GPT2: variants seen among roughly 807,000 people sequenced by gnomAD.
GPT2 encodes glutamic--pyruvic transaminase 2.
A neutral mutation model predicts 56.9 loss-of-function variants in GPT2; 30 were observed. That is an observed-to-expected ratio of 0.53 (90% CI 0.39 to 0.72). The LOEUF is 0.72. Among genes scored for constraint, GPT2 ranks in the 30% least tolerant of loss-of-function variants. GPT2 has a pLI of 0.00. For missense variants in GPT2, 542 were observed against 703.4 expected (o/e 0.77, Z 2.60); for synonymous variants, 271 against 283.1 (o/e 0.96, Z 0.43).
At chr16:46,898,996 CACATATATATATATATATATATATATAT>C (rs1960755966) in intron 3 of GPT2, among the ~76,000 whole-genome samples, 1 of 107,900 alleles carries the variant, frequency 9.3e-6, no homozygotes. Flanking sequence ...ATATATAACA[CACATATATATATATATATATATATATAT>C]ATATATATAT....
At position 46,917,737 on chromosome 16, in the gene GPT2, TACAGACACAC is replaced by T. The variant is rs565055388; in HGVS notation, c.901-873_901-864del. Among the ~76,000 whole-genome samples, 62 of 151,952 alleles carry T rather than the reference TACAGACACAC, an allele frequency of 4.1e-4. No individual in the cohort carries two copies. The South Asian group carries it at 9.1e-3, about 22-fold the overall frequency. Reference sequence around the variant, plus strand: ...ACATACACACATATACATATGTACATACAGACACACACAGACACACGTACATAGACACACA... The same window carrying T: ...ACATACACACATATACATATGTACATACAGACACACGTACATAGACACACA... On this transcript the variant is annotated intron_variant, in intron 7 of 11. Transcript: ENST00000340124.
At chr16:46,914,303 G>A (rs1040494557) in intron 6 of GPT2, among the ~76,000 whole-genome samples, 4 of 152,170 alleles carry the variant, frequency 2.6e-5, no homozygotes, top group Admixed American at 2.6e-4. Context: ...TTGGGAGGCC[G>A]AGGCGGGTGG....
At chr16:46,894,208 G>A (rs1045865697) in intron 2 of GPT2, among the ~76,000 whole-genome samples, 7 of 152,354 alleles carry the variant, frequency 4.6e-5, no homozygotes, top group South Asian at 4.1e-4. Flanking sequence ...GAGCAGTGCG[G>A]GGGGAGGGCA....
At chr16:46,900,540 GC>G (rs1292878043) in intron 3 of GPT2, 141 bp from the exon 4 acceptor site, 2 of 603,772 alleles carry the variant, frequency 3.3e-6, no homozygotes, top group Non-Finnish European at 5.9e-6. Context: ...CCACTCCCAA[GC>G]TCCCACAGGC....
At chr16:46,909,961 G>A in intron 6 of GPT2, 34 bp downstream of exon 6, 3 of 1,554,296 alleles carry the variant, frequency 1.9e-6, no homozygotes, top group Non-Finnish European at 2.6e-6. Context: ...GTTTCGTAGA[G>A]GGTGGGGGTG....
intron 5 of GPT2, among the ~76,000 whole-genome samples, chr16:46,908,833 T>G (rs1228978580): frequency 1.3e-5 from 2 of 152,246 alleles, no homozygotes; most frequent in Admixed American, 6.5e-5. Flanking sequence ...CAAGTCATTG[T>G]ACTTTAAAAT....
At chr16:46,924,013 G>A (rs1961348476) in intron 9 of GPT2, 1 of 357,432 alleles carries the variant, frequency 2.8e-6, no homozygotes, top group African/African-American at 2.1e-5. Context: ...TGGTGTCTGT[G>A]TGCCCCACAC....
rs1360330757 is a variant in GPT2 at position 46,898,911 on chromosome 16, TACACAC to T, written c.333+1178_333+1183del. 8.9e-5 allele frequency among the ~76,000 whole-genome samples: 13 copies of T among 146,180 alleles called. No individual in the cohort carries two copies. The East Asian group carries it at 1.2e-3, about 13-fold the overall frequency. On this transcript the variant is annotated intron_variant, in intron 3 of 11. Transcript: ENST00000340124. Reference sequence around the variant, plus strand: ...ATACGTATATATATACACATATATATACACACACATATATATGTGTATATATATACA... The same window carrying T: ...ATACGTATATATATACACATATATATACATATATATGTGTATATATATACA...
chr16:46,909,567 GA>G, intron 5 of GPT2, 116 bp from the exon 6 acceptor site: 1 of 1,181,228 alleles, frequency 8.5e-7, no homozygotes. Flanking sequence ...GAGACTCGGG[GA>G]AGTAAAGCGA....
At chr16:46,919,472 G>A (rs1242311647) in intron 8 of GPT2, among the ~76,000 whole-genome samples, 1 of 152,218 alleles carries the variant, frequency 6.6e-6, no homozygotes, top group Non-Finnish European at 1.5e-5. Flanking sequence ...ATATCTGGGG[G>A]AAGAGCATTG....
At chr16:46,922,537 G>C in intron 9 of GPT2, 121 bp downstream of exon 9, 1 of 894,272 alleles carries the variant, frequency 1.1e-6, no homozygotes, top group Non-Finnish European at 1.7e-6. Flanking sequence ...TGGCCTGCAG[G>C]TGCACTCATG....
At chr16:46,921,932 A>G (rs1961294850) in intron 8 of GPT2, among the ~76,000 whole-genome samples, 1 of 152,162 alleles carries the variant, frequency 6.6e-6, no homozygotes, top group African/African-American at 2.4e-5. Context: ...TGTGGCACAC[A>G]CCTACAGTCC....
intron 5 of GPT2, 27 bp from the exon 6 acceptor site, chr16:46,909,657 T>C: frequency 1.2e-6 from 2 of 1,604,494 alleles, no homozygotes; most frequent in Non-Finnish European, 1.7e-6. Context: ...TAGTGCTGGC[T>C]TTCTAGATGT....
In GPT2 at chr16:46,924,448, T is replaced by G. The variant is rs1435831740; in HGVS notation, c.1272T>G (p.Phe424Leu). The change falls in exon 10 of 12, where the codon TTT becomes TTG. Residue 424 changes from phenylalanine to leucine, a missense_variant. Coordinates refer to ENST00000340124, the MANE Select transcript of GPT2 (RefSeq NM_133443.4). ...AAGCAAAGCTGACGGAAGACCTGTT[T>G]AACCAAGTCCCAGGAATTCACTGCA... ...AKKAKLTEDL[F>L]NQVPGIHCNP... is the part of the protein sequence containing the mutation. 1 of 1,614,126 alleles carries G rather than the reference T, an allele frequency of 6.2e-7. No individual in the cohort carries two copies. Among genetic ancestry groups the G allele is most frequent in the Non-Finnish European group, 8.5e-7 (1 of 1,180,056 alleles).
intron 11 of GPT2, among the ~76,000 whole-genome samples, chr16:46,928,178 A>C (rs1961455123): frequency 6.6e-6 from 1 of 151,846 alleles, no homozygotes; most frequent in South Asian, 2.1e-4. Context: ...TTGTTTAAAA[A>C]CTAGCCAGGG....
Position 46,906,994 on chromosome 16 carries a change from C to G in GPT2, c.576+19C>G, listed in dbSNP as rs534876216. The G allele has an allele frequency of 2.5e-6, 4 of 1,614,016 alleles. No homozygotes were observed. The African/African-American group carries it at 5.3e-5, about 22-fold the overall frequency. On this transcript the variant is annotated intron_variant, in intron 5 of 11. Transcript: ENST00000340124. ...CATTTCTGTACGTGTGAGGGTGGCT[C>G]GTTGTTATCCGGTGTTTACCCACAT...
chr16:46,887,938 G>A (rs1297302036), intron 2 of GPT2, among the ~76,000 whole-genome samples: 1 of 152,228 alleles, frequency 6.6e-6, no homozygotes, highest in Non-Finnish European at 1.5e-5. Context: ...CTCCCTGACA[G>A]CAGCTCCAAA....
Position 46,884,753 on chromosome 16 carries a change from G to A in GPT2, c.38G>A (p.Gly13Asp), listed in dbSNP as rs765020631. ...RAAALVRRGC[G>D]PRTPSSWGRS... ...GCGGCGCTGGTCCGGCGGGGCTGTG[G>A]TCCCCGGACCCCCAGCTCCTGGGGC... The change falls in exon 2 of 12, where the codon GGT becomes GAT. Residue 13 changes from glycine (G) to aspartate (D), a missense_variant. Transcript: ENST00000340124. The A allele has an allele frequency of 3.3e-5, 48 of 1,433,214 alleles. No individual in the cohort carries two copies. Among genetic ancestry groups the A allele is most frequent in the Non-Finnish European group, 4.2e-5 (46 of 1,092,394 alleles). The allele number at this position is 1,433,214 out of a possible 1,614,324, so 88.8% of individuals were successfully genotyped here. A position where few individuals can be genotyped will look rare whatever the true frequency, so the allele number is the denominator to read the frequency against.
At chr16:46,885,553 C>T (rs940155055) in intron 2 of GPT2, 1 of 985,046 alleles carries the variant, frequency 1.0e-6, no homozygotes, top group African/African-American at 1.7e-5. Context: ...CCAGCCACTT[C>T]TGTGGTCTGG....
Sources: allele counts gnomAD v4.1 joint callset (sites outside exome capture counted in the v4.1 genomes callset), GRCh38; gene constraint gnomAD v4.1.1; transcripts MANE v1.5; gene names NCBI Gene and HGNC (gene_info 2026-07-23, HGNC 2026-07-21).